GRIA1: variants seen among roughly 807,000 people sequenced by gnomAD.
The protein encoded by GRIA1 is glutamate receptor 1.
A neutral mutation model predicts 99.2 loss-of-function variants in GRIA1; 31 were observed. The observed-to-expected ratio is 0.31, with a 90% CI of 0.23 to 0.42. The LOEUF (loss-of-function observed/expected upper bound fraction) is 0.42. GRIA1 is among the 10% of genes least tolerant of loss of function. The probability of loss-of-function intolerance (pLI) is 1.00; values close to 1 mark genes in which losing one functional copy is unlikely to be tolerated. For synonymous variants in GRIA1, 438 were observed against 432.4 expected (o/e 1.01, Z -0.16); for missense variants, 782 against 1,157.5 (o/e 0.68, Z 4.71).
At chr5:153,572,032 T>C (rs17518831) in intron 2 of GRIA1, among the ~76,000 whole-genome samples, 55,567 of 152,136 alleles carry the variant, frequency 0.37, 12,753 homozygotes, top group Non-Finnish European at 0.52. Context: ...TAGTGTCCAA[T>C]AAGGCACCTC....
At chr5:153,585,355 C>G (rs1581270086) in intron 2 of GRIA1, among the ~76,000 whole-genome samples, 1 of 118,414 alleles carries the variant, frequency 8.4e-6, no homozygotes, top group Non-Finnish European at 1.6e-5. Context: ...GTCGCCCAGG[C>G]TGGAGTACAC....
At chr5:153,559,291 AT>A (rs1760918245) in intron 2 of GRIA1, among the ~76,000 whole-genome samples, 1 of 152,096 alleles carries the variant, frequency 6.6e-6, no homozygotes, top group Non-Finnish European at 1.5e-5. Flanking sequence ...AGCTGCTCTC[AT>A]TTTTGTTCAT....
chr5:153,572,174 T>G (rs1762166769), intron 2 of GRIA1, among the ~76,000 whole-genome samples: 3 of 152,188 alleles, frequency 2.0e-5, no homozygotes, highest in African/African-American at 7.2e-5. Flanking sequence ...TGTCACACAC[T>G]TGGGGTATGA....
chr5:153,532,173 C>T (rs772538804), intron 2 of GRIA1, among the ~76,000 whole-genome samples: 3 of 152,046 alleles, frequency 2.0e-5, no homozygotes, highest in South Asian at 2.1e-4. Flanking sequence ...GTTTTTTCCT[C>T]CAGCAAAATC....
At chr5:153,784,682 T>C (rs1470147002) in intron 13 of GRIA1, among the ~76,000 whole-genome samples, 1 of 152,166 alleles carries the variant, frequency 6.6e-6, no homozygotes, top group Non-Finnish European at 1.5e-5. Flanking sequence ...GGTCACTGGA[T>C]AGCCTCTCCC....
chr5:153,727,456 G>A, intron 11 of GRIA1, among the ~76,000 whole-genome samples: 1 of 152,208 alleles, frequency 6.6e-6, no homozygotes, highest in Non-Finnish European at 1.5e-5. Flanking sequence ...GTCCCTGTGT[G>A]CAGATGACAT....
chr5:153,563,635 A>C (rs1761350177), intron 2 of GRIA1, among the ~76,000 whole-genome samples: 1 of 152,186 alleles, frequency 6.6e-6, no homozygotes, highest in Non-Finnish European at 1.5e-5. Context: ...AAATATGTGT[A>C]ATATTGGTTG....
chr5:153,490,013 A>C (rs551357129), upstream of GRIA1, among the ~76,000 whole-genome samples: 2 of 152,160 alleles, frequency 1.3e-5, no homozygotes, highest in East Asian at 3.9e-4. Context: ...AATACCTGCC[A>C]GTCACTCCAG....
At chr5:153,525,497 TTAAAAA>T (rs905066116) in intron 2 of GRIA1, 9 of 151,874 alleles carry the variant, frequency 5.9e-5, no homozygotes, top group Non-Finnish European at 1.2e-4. Flanking sequence ...TACCACAAAA[TTAAAAA>T]TAAAAAAGAG....
At chr5:153,762,801 G>C (rs1460534712) in intron 11 of GRIA1, among the ~76,000 whole-genome samples, 1 of 152,102 alleles carries the variant, frequency 6.6e-6, no homozygotes, top group Non-Finnish European at 1.5e-5. Flanking sequence ...TCACTCTCAG[G>C]ATAGCCATCT....
At chr5:153,689,448 C>T (rs1757580555) in intron 8 of GRIA1, among the ~76,000 whole-genome samples, 1 of 152,122 alleles carries the variant, frequency 6.6e-6, no homozygotes, top group African/African-American at 2.4e-5. Context: ...ATGTGTTTGC[C>T]ATTATTAAAA....
rs1047658440 is a variant in GRIA1 at position 153,812,229 on chromosome 5, T to C, written c.*1004T>C. 4.6e-5 allele frequency: 7 copies of C among 151,998 alleles called. No individual in the cohort carries two copies. The highest frequency in any genetic ancestry group is 8.8e-5 in the Non-Finnish European group (6 of 68,000). The allele number at this position is 151,998 out of a possible 1,614,324, so 9.4% of individuals were successfully genotyped here. ...TGCCTGGCATCTAAGCAGGAACCCA[T>C]TGTGGAGTAGACTCTCTTCTTCTAT... On this transcript the variant is annotated 3_prime_UTR_variant, in exon 16 of 16. Coordinates refer to ENST00000285900, the MANE Select transcript of GRIA1 (RefSeq NM_000827.4).
intron 2 of GRIA1, chr5:153,574,349 T>C (rs1445236731): frequency 6.6e-6 from 1 of 152,162 alleles, no homozygotes; most frequent in Non-Finnish European, 1.5e-5. Context: ...TTTTTTGAAG[T>C]GTTCAGTGGC....
chr5:153,608,906 G>A (rs1765695869), intron 2 of GRIA1, among the ~76,000 whole-genome samples: 1 of 152,106 alleles, frequency 6.6e-6, no homozygotes, highest in Non-Finnish European at 1.5e-5. Context: ...TTTGCTTGCT[G>A]CACTAGTACT....
At chr5:153,606,739 G>C (rs551258871) in intron 2 of GRIA1, among the ~76,000 whole-genome samples, 1 of 151,554 alleles carries the variant, frequency 6.6e-6, no homozygotes, top group Non-Finnish European at 1.5e-5. Flanking sequence ...TTTATGTCTC[G>C]TGACCTTGCT....
At chr5:153,587,572 CTCT>C (rs1430246301) in intron 2 of GRIA1, among the ~76,000 whole-genome samples, 1 of 152,142 alleles carries the variant, frequency 6.6e-6, no homozygotes, top group East Asian at 1.9e-4. Context: ...CACTCCCTGC[CTCT>C]TCTTCTCCCC....
Position 153,705,891 on chromosome 5 carries a change from A to T in GRIA1, c.1647A>T (p.Gly549=). 1 of 1,613,746 alleles carries T rather than the reference A, an allele frequency of 6.2e-7. No individual in the cohort carries two copies. Among genetic ancestry groups the T allele is most frequent in the Non-Finnish European group, 8.5e-7 (1 of 1,179,960 alleles). The change falls in exon 11 of 16, where the codon GGA becomes GGT. Residue 549 remains glycine, a synonymous_variant. Transcript: ENST00000285900. ...IWMCIVFAYI[G]VSVVLFLVSR... is the part of the protein sequence containing the mutation. ...TGTGCATTGTTTTTGCCTACATTGG[A>T]GTGAGTGTTGTCCTCTTCCTGGTCA...
intron 2 of GRIA1, among the ~76,000 whole-genome samples, chr5:153,556,957 A>G (rs1760701030): frequency 6.6e-6 from 1 of 152,182 alleles, no homozygotes; most frequent in African/African-American, 2.4e-5. Flanking sequence ...CTCCTAGACT[A>G]CAAACCTGTG....
At chr5:153,781,855 G>A (rs1444248685) in intron 13 of GRIA1, among the ~76,000 whole-genome samples, 1 of 152,062 alleles carries the variant, frequency 6.6e-6, no homozygotes, top group Non-Finnish European at 1.5e-5. Context: ...TACTCTTAAG[G>A]GAAACAAGGA....
Sources: allele counts gnomAD v4.1 joint callset (sites outside exome capture counted in the v4.1 genomes callset), GRCh38; gene constraint gnomAD v4.1.1; transcripts MANE v1.5; gene names NCBI Gene and HGNC (gene_info 2026-07-23, HGNC 2026-07-21).